The following PPP4R2 variants were observed in gnomAD, a reference collection of about 807,000 sequenced individuals.
PPP4R2 encodes serine/threonine-protein phosphatase 4 regulatory subunit 2.
In PPP4R2, 13 loss-of-function variants were observed where a neutral mutation model predicts 47.2. The observed-to-expected ratio is 0.28, with a 90% CI of 0.18 to 0.44. The LOEUF (loss-of-function observed/expected upper bound fraction) is 0.44, where lower values mean the gene tolerates loss of function less well. Among genes scored for constraint, PPP4R2 ranks in the 20% least tolerant of loss-of-function variants. The pLI is 1.00. For missense variants in PPP4R2, 421 were observed against 491.2 expected, an observed-to-expected ratio of 0.86 and a Z score of 1.35; for synonymous variants, 151 against 163.3, an observed-to-expected ratio of 0.92 and a Z score of 0.57.
chr3:73,064,193 A>C, intron 7 of PPP4R2, 47 bp downstream of exon 7: 2 of 1,491,400 alleles, frequency 1.3e-6, no homozygotes, highest in Non-Finnish European at 1.8e-6. Flanking sequence ...TAAAAGTTAA[A>C]GTTAACATTT....
Position 73,042,615 on chromosome 3 carries a change from G to A in PPP4R2, c.117-4571G>A, listed in dbSNP as rs561660477. Among the ~76,000 whole-genome samples the A allele has an allele frequency of 6.6e-5, 10 of 151,968 alleles. No homozygotes were observed. In the South Asian group the frequency reaches 1.0e-3, roughly 16 times the overall value. ...CTTGACCTTGTGATAAGCCCGCCTC[G>A]GCCTCCCAAAGTGCTGGGATTACAT... is the stretch of plus-strand genomic sequence containing the variant. On this transcript the variant is annotated intron_variant, in intron 2 of 8. Transcript: ENST00000356692.
At position 73,059,049 on chromosome 3, in the gene PPP4R2, T is replaced by C; in HGVS notation, c.300T>C (p.Thr100=). 6.3e-7 allele frequency: 1 copy of C among 1,580,252 alleles called. No individual in the cohort carries two copies. Among genetic ancestry groups the C allele is most frequent in the Middle Eastern group, 1.8e-4 (1 of 5,686 alleles). The change falls in exon 4 of 9, where the codon ACT becomes ACC. Residue 100 remains threonine, a synonymous_variant. Transcript: ENST00000356692. ...TATTTTTTTGCAGTATCCCTTTTAC[T>C]ATTCAGCGACTATGTGAATTGTTAA... ...IVTGFNGIPF[T]IQRLCELLTD...
chr3:73,069,043 TAA>T lies in PPP4R2; in HGVS notation c.*3322_*3323del, dbSNP rs1417857916. 6.6e-6 allele frequency: 1 copy of T among 152,244 alleles called. No homozygotes were observed. Among genetic ancestry groups the T allele is most frequent in the Non-Finnish European group, 1.5e-5 (1 of 68,044 alleles). 9.4% of individuals were successfully genotyped at this position (152,244 alleles called of 1,614,324 possible). Reference sequence around the variant, plus strand: ...TTAGGTTTGCTGGGTTTTGGCCTAATAAGAGTGCTAGTATGTATTGGTTAGAC... The same window carrying T: ...TTAGGTTTGCTGGGTTTTGGCCTAATGAGTGCTAGTATGTATTGGTTAGAC... On this transcript the variant is annotated 3_prime_UTR_variant, in exon 9 of 9. Coordinates refer to ENST00000356692, the MANE Select transcript of PPP4R2 (RefSeq NM_174907.4).
At chr3:73,001,701 C>T (rs909703059) in intron 2 of PPP4R2, among the ~76,000 whole-genome samples, 1 of 152,056 alleles carries the variant, frequency 6.6e-6, no homozygotes, top group Non-Finnish European at 1.5e-5. Context: ...CGTAGTGGCG[C>T]GATCTCGGCT....
intron 2 of PPP4R2, among the ~76,000 whole-genome samples, 154 bp from the exon 3 acceptor site, chr3:73,047,032 G>T (rs1702500289): frequency 6.6e-6 from 1 of 152,164 alleles, no homozygotes; most frequent in Non-Finnish European, 1.5e-5. Context: ...AATGAGGCAT[G>T]ATGTGTGCTC....
chr3:73,063,834 A>G, intron 6 of PPP4R2, 87 bp downstream of exon 6: 7 of 1,151,718 alleles, frequency 6.1e-6, no homozygotes, highest in South Asian at 3.9e-5. Flanking sequence ...AAAATTGGGC[A>G]TTTTATGGAC....
intron 5 of PPP4R2, chr3:73,063,185 C>T (rs1702907120): frequency 2.3e-6 from 1 of 428,330 alleles, no homozygotes; most frequent in African/African-American, 2.1e-5. Context: ...TTTAAAGCTC[C>T]TGATGTTATA....
chr3:73,057,032 C>T (rs1466498155), intron 3 of PPP4R2, among the ~76,000 whole-genome samples: 1 of 152,044 alleles, frequency 6.6e-6, no homozygotes, highest in Non-Finnish European at 1.5e-5. Flanking sequence ...ATTTTAATGA[C>T]AGTATCACTA....
At chr3:73,015,558 C>T (rs1701812325) in intron 2 of PPP4R2, among the ~76,000 whole-genome samples, 1 of 151,474 alleles carries the variant, frequency 6.6e-6, no homozygotes, top group South Asian at 2.1e-4. Context: ...TCACTGCAAC[C>T]TCTGCCTCCC....
chr3:73,015,810 T>G (rs1356446094), intron 2 of PPP4R2: 5 of 446,522 alleles, frequency 1.1e-5, no homozygotes, highest in South Asian at 7.8e-5. Context: ...ATTAATTTTT[T>G]TGTGTGTTTA....
chr3:73,045,526 A>ATTTTTTTTTTTTTTTTTTTTTTTTTTTT, intron 2 of PPP4R2, among the ~76,000 whole-genome samples: 1 of 139,412 alleles, frequency 7.2e-6, no homozygotes, highest in Admixed American at 7.3e-5. Context: ...CATTCTCCTA[A>ATTTTTTTTTTTTTTTTTTTTTTTTTTTT]TTTTTTTTTT....
chr3:73,065,167 G>A (rs1702965891), intron 8 of PPP4R2, 26 bp downstream of exon 8: 6 of 1,552,702 alleles, frequency 3.9e-6, no homozygotes, highest in Non-Finnish European at 3.5e-6. Flanking sequence ...CTGTAAAAGG[G>A]TGGAGTAAGG....
Position 73,021,901 on chromosome 3 carries a change from T to TATATA in PPP4R2, c.116+23743_116+23744insATATA, listed in dbSNP as rs146335669. Among the ~76,000 whole-genome samples the TATATA allele has an allele frequency of 7.6e-3, 931 of 122,104 alleles. 13 individuals are homozygous for TATATA. The highest frequency in any genetic ancestry group is 0.025 in the African/African-American group (829 of 33,494). The allele number at this position is 122,104 out of a possible 152,430, so 80.1% of individuals were successfully genotyped here. ...GTGTGTATATATGCATATATATATA[T>TATATA]TTTTTTTTTTTTTTTGAAACAATCT... On this transcript the variant is annotated intron_variant, in intron 2 of 8. Coordinates refer to ENST00000356692, the MANE Select transcript of PPP4R2 (RefSeq NM_174907.4).
chr3:73,068,215 A>C lies in PPP4R2; in HGVS notation c.*2493A>C, dbSNP rs1440413486. The C allele has an allele frequency of 6.6e-6, 1 of 152,158 alleles. No individual in the cohort carries two copies. The highest frequency in any genetic ancestry group is 1.5e-5 in the Non-Finnish European group (1 of 68,030). 9.4% of individuals were successfully genotyped at this position (152,158 alleles called of 1,614,324 possible). ...ATTTTAGGCATATTTCTTAACATATATCAAGCAAAGTCCTGTTAAAAGATC... is the reference window on the plus strand; with the variant it reads ...ATTTTAGGCATATTTCTTAACATATCTCAAGCAAAGTCCTGTTAAAAGATC... On this transcript the variant is annotated 3_prime_UTR_variant, in exon 9 of 9. Coordinates refer to ENST00000356692, the MANE Select transcript of PPP4R2 (RefSeq NM_174907.4).
chr3:73,063,029 T>TG (rs1159991482), intron 5 of PPP4R2: 1 of 910,130 alleles, frequency 1.1e-6, no homozygotes, highest in Non-Finnish European at 1.7e-6. Flanking sequence ...AAAAAAACAA[T>TG]GGTTAAAAAG....
chr3:73,035,094 C>G (rs188607028), intron 2 of PPP4R2, among the ~76,000 whole-genome samples: 2 of 147,226 alleles, frequency 1.4e-5, no homozygotes, highest in African/African-American at 4.9e-5. Flanking sequence ...GCAAAAACAC[C>G]AAATTATCCA....
chr3:73,054,225 C>A (rs1295138844), intron 3 of PPP4R2, among the ~76,000 whole-genome samples: 2 of 152,136 alleles, frequency 1.3e-5, no homozygotes, highest in Non-Finnish European at 2.9e-5. Context: ...GCTAATTTCG[C>A]CTCTTTTAAT....
Position 73,010,154 on chromosome 3 carries a change from A to T in PPP4R2, c.116+11996A>T, listed in dbSNP as rs115725169. Among the ~76,000 whole-genome samples the T allele has an allele frequency of 7.3e-3, 1,112 of 152,338 alleles. 8 individuals are homozygous for T. The highest frequency in any genetic ancestry group is 9.7e-3 in the Non-Finnish European group (663 of 68,022). On this transcript the variant is annotated intron_variant, in intron 2 of 8. Transcript: ENST00000356692. ...AATAATGCCCTTAGTGGTATTTTTT[A>T]AAATGTGGCATGGAAGTAGGGCTTT... is the stretch of plus-strand genomic sequence containing the variant.
chr3:73,010,699 C>T (rs768754940), intron 2 of PPP4R2, among the ~76,000 whole-genome samples: 21 of 152,158 alleles, frequency 1.4e-4, no homozygotes, highest in Middle Eastern at 3.4e-3. Flanking sequence ...GCTGGGATTA[C>T]AGGCGCCCAT....
Sources: allele counts gnomAD v4.1 joint callset (sites outside exome capture counted in the v4.1 genomes callset), GRCh38; gene constraint gnomAD v4.1.1; transcripts MANE v1.5; gene names NCBI Gene and HGNC (gene_info 2026-07-23, HGNC 2026-07-21).